The following MARCHF6 variants were observed in gnomAD, a reference collection of about 807,000 sequenced individuals.
MARCHF6 encodes the protein membrane associated ring-CH-type finger 6.
A neutral mutation model predicts 133.7 loss-of-function variants in MARCHF6; 31 were observed. The observed-to-expected ratio is 0.23, with a 90% CI of 0.17 to 0.31. MARCHF6 has a LOEUF of 0.31. Ranked by LOEUF, MARCHF6 falls within the 10% of genes least tolerant of loss-of-function variation. The pLI, the probability that MARCHF6 is intolerant of heterozygous loss-of-function variation, is 1.00. For synonymous variants in MARCHF6, 395 were observed against 402.5 expected (o/e 0.98, Z 0.22); for missense variants, 723 against 1,121.6 (o/e 0.64, Z 5.08).
intron 25 of MARCHF6, among the ~76,000 whole-genome samples, chr5:10,430,669 G>C (rs1263648846): frequency 6.6e-6 from 1 of 152,120 alleles, no homozygotes; most frequent in Non-Finnish European, 1.5e-5. Context: ...TGGTCTGACA[G>C]TATATTAAAC....
intron 22 of MARCHF6, among the ~76,000 whole-genome samples, chr5:10,417,803 A>G (rs1739598314): frequency 6.6e-6 from 1 of 151,742 alleles, no homozygotes; most frequent in Admixed American, 6.6e-5. Flanking sequence ...GTTTAGAAAG[A>G]CTAATTTTTT....
rs551106559 is a variant in MARCHF6, at chr5:10,377,889, A to G, written c.111A>G (p.Gln37=). ...CTGGCAGTATTAAGTTTATCCATCA[A>G]GAATGGTAAGTCATACTTTTAGAAA... ...VCTGSIKFIH[Q]ECLVQWLKHS... is the part of the protein sequence containing the mutation. Residue 37 remains glutamine (Q), a synonymous_variant, in exon 2 of 26, where the codon CAA becomes CAG. Transcript: ENST00000274140. 2.5e-6 allele frequency: 4 copies of G among 1,602,784 alleles called. No individual in the cohort carries two copies. In the Admixed American group the frequency reaches 6.7e-5, roughly 27 times the overall value.
rs1036562561 is a variant in MARCHF6 at position 10,354,053 on chromosome 5, C to T, written c.19+136C>T. 4.7e-6 allele frequency: 4 copies of T among 847,902 alleles called. No homozygotes were observed. The South Asian group carries it at 9.7e-5, about 21-fold the overall frequency. 52.5% of individuals were successfully genotyped at this position (847,902 alleles called of 1,614,324 possible). On this transcript the variant is annotated intron_variant, in intron 1 of 25. Transcript: ENST00000274140. The stretch of plus-strand genomic sequence containing the variant: ...CTGGGCCGTTTGTCCACCCGCTGGG[C>T]CTCTGGGCCGGGGAGCGGAAGGTGA...
intron 4 of MARCHF6, among the ~76,000 whole-genome samples, chr5:10,382,348 G>T (rs1192227989): frequency 6.6e-6 from 1 of 151,690 alleles, no homozygotes; most frequent in East Asian, 1.9e-4. Context: ...TTTGAGACTA[G>T]CCTGGCCAAC....
intron 22 of MARCHF6, among the ~76,000 whole-genome samples, chr5:10,420,152 G>A (rs1450656513): frequency 2.0e-5 from 3 of 152,144 alleles, no homozygotes; most frequent in Non-Finnish European, 4.4e-5. Flanking sequence ...GGCTTCTTAC[G>A]TTGTAGTTCA....
At chr5:10,387,359 A>G (rs150451225) in intron 5 of MARCHF6, among the ~76,000 whole-genome samples, 2,522 of 150,884 alleles carry the variant, frequency 0.017, 63 homozygotes, top group African/African-American at 0.058. Flanking sequence ...CTGGAGTATA[A>G]TGGTGCGATC....
chr5:10,382,147 A>G (rs1737185996), intron 4 of MARCHF6, among the ~76,000 whole-genome samples: 1 of 152,230 alleles, frequency 6.6e-6, no homozygotes, highest in Non-Finnish European at 1.5e-5. Context: ...TGAATGTGGG[A>G]AAGAACACAG....
At position 10,437,567 on chromosome 5, in the gene MARCHF6, T is replaced by A. The variant is rs1388326168; in HGVS notation, c.*3883T>A. The A allele has an allele frequency of 2.6e-5, 4 of 152,228 alleles. No homozygotes were observed. Among genetic ancestry groups the A allele is most frequent in the Non-Finnish European group, 4.4e-5 (3 of 68,048 alleles). 9.4% of individuals were successfully genotyped at this position (152,228 alleles called of 1,614,324 possible). A position where few individuals can be genotyped will look rare whatever the true frequency, so the allele number is the denominator to read the frequency against. On this transcript the variant is annotated 3_prime_UTR_variant, in exon 26 of 26. Coordinates refer to ENST00000274140, the MANE Select transcript of MARCHF6 (RefSeq NM_005885.4). ...ACATAAAGACAAGACAGTATATGTA[T>A]GTTTTCATTCCTGTTTTGTACGAGT...
At chr5:10,410,675 AT>A (rs907242569) in intron 18 of MARCHF6, among the ~76,000 whole-genome samples, 1 of 151,684 alleles carries the variant, frequency 6.6e-6, no homozygotes, top group Non-Finnish European at 1.5e-5. Context: ...AACATGTTGC[AT>A]TTTTTTCCCC....
rs752861937 is a variant in MARCHF6, at chr5:10,426,395, C to T, written c.2379C>T (p.Tyr793=). ...WWLKTVIEQV[Y]ANGIRNIDLH... ...TGCTTTTTGTAATGTTTCAGGTTTA[C>T]GCAAATGGCATCCGGAACATTGACC... Residue 793 remains tyrosine (Y), a synonymous_variant, in exon 24 of 26, where the codon TAC becomes TAT. Coordinates refer to ENST00000274140, the MANE Select transcript of MARCHF6 (RefSeq NM_005885.4). The T allele has an allele frequency of 1.9e-5, 30 of 1,613,154 alleles. No homozygotes were observed. The highest frequency in any genetic ancestry group is 2.7e-5 in the African/African-American group (2 of 74,976).
At chr5:10,397,487 C>G (rs1471857810) in intron 10 of MARCHF6, 143 bp downstream of exon 10, 1 of 572,572 alleles carries the variant, frequency 1.7e-6, no homozygotes, top group Non-Finnish European at 2.9e-6. Context: ...GATACAAACC[C>G]TGTATAGATA....
At chr5:10,426,346 T>G (rs1254028774) in intron 23 of MARCHF6, 44 bp from the exon 24 acceptor site, 1 of 1,600,390 alleles carries the variant, frequency 6.2e-7, no homozygotes, top group South Asian at 1.1e-5. Context: ...CTTGGAGGAA[T>G]TTGTCTTGTA....
Position 10,410,557 on chromosome 5 carries a change from A to G in MARCHF6, c.1691+281A>G, listed in dbSNP as rs567571254. On this transcript the variant is annotated intron_variant, in intron 18 of 25. Coordinates refer to ENST00000274140, the MANE Select transcript of MARCHF6 (RefSeq NM_005885.4). ...ATGTCTTTTTTTTTTTTAGTGCATT[A>G]AAAACAAACCAGTTTACCTTTATTT... Among the ~76,000 whole-genome samples, 14 of 151,756 alleles carry G rather than the reference A, an allele frequency of 9.2e-5. No individual in the cohort carries two copies. In the South Asian group the frequency reaches 1.3e-3, roughly 14 times the overall value.
intron 22 of MARCHF6, chr5:10,421,803 CTG>C (rs1253619113): frequency 6.6e-6 from 1 of 152,228 alleles, no homozygotes; most frequent in African/African-American, 2.4e-5. Flanking sequence ...CAGTAGGAGA[CTG>C]TTGGAGGGCT....
At chr5:10,411,769 T>A (rs1240600592) in intron 19 of MARCHF6, among the ~76,000 whole-genome samples, 1 of 152,250 alleles carries the variant, frequency 6.6e-6, no homozygotes, top group East Asian at 1.9e-4. Flanking sequence ...AGGAAAAGAC[T>A]CTAGAGTAAT....
intron 5 of MARCHF6, among the ~76,000 whole-genome samples, chr5:10,389,613 G>A (rs986005869): frequency 5.3e-5 from 8 of 152,148 alleles, no homozygotes; most frequent in African/African-American, 1.9e-4. Flanking sequence ...ATGTTGGCCA[G>A]GCTGGTCTCA....
chr5:10,369,342 A>G (rs1356000432), intron 1 of MARCHF6, among the ~76,000 whole-genome samples: 2 of 152,290 alleles, frequency 1.3e-5, no homozygotes, highest in South Asian at 4.1e-4. Context: ...ACGTGTGCTC[A>G]TTGGGTGTAC....
chr5:10,427,860 G>T (rs1412805595), intron 24 of MARCHF6, among the ~76,000 whole-genome samples: 1 of 152,060 alleles, frequency 6.6e-6, no homozygotes, highest in East Asian at 1.9e-4. Context: ...TTGAAGCCAG[G>T]AATTGAAGAC....
At chr5:10,400,730 A>G (rs1738479245) in intron 10 of MARCHF6, 54 bp from the exon 11 acceptor site, 1 of 1,238,696 alleles carries the variant, frequency 8.1e-7, no homozygotes, top group African/African-American at 1.5e-5. Context: ...TTGTAGTAGG[A>G]GTGTTCATTG....
Sources: allele counts gnomAD v4.1 joint callset (sites outside exome capture counted in the v4.1 genomes callset), GRCh38; gene constraint gnomAD v4.1.1; transcripts MANE v1.5; gene names NCBI Gene and HGNC (gene_info 2026-07-23, HGNC 2026-07-21).